Variants in ATXN1 observed in about 807,000 individuals in gnomAD.
The protein encoded by ATXN1 is ataxin 1, also known as ataxin-1.
ATXN1 carries 8 observed loss-of-function variants against 56.4 expected under a neutral mutation model. The observed-to-expected ratio is 0.14, with a 90% CI of 0.08 to 0.26. The LOEUF (loss-of-function observed/expected upper bound fraction) is 0.26, where lower values mean the gene tolerates loss of function less well. ATXN1 is among the 10% of genes least tolerant of loss of function. The pLI is 1.00. For missense variants in ATXN1, 987 were observed against 1,106.5 expected (o/e 0.89, Z 1.53); for synonymous variants, 514 against 494.6 (o/e 1.04, Z -0.52).
intron 2 of ATXN1, among the ~76,000 whole-genome samples, chr6:16,696,806 C>G (rs1759175006): frequency 6.6e-6 from 1 of 152,166 alleles, no homozygotes; most frequent in South Asian, 2.1e-4. Context: ...ATTTTTAAAA[C>G]CCTCTTTTCA....
At position 16,638,959 on chromosome 6, in the gene ATXN1, C is replaced by G. The variant is rs186671564; in HGVS notation, c.-489+18817G>C. ...GTGAAGCCAGCTGGACTTCTTGGGT[C>G]GAGTGGGGACTTGGAGAACTTTTCT... On this transcript the variant is annotated intron_variant, in intron 3 of 7. Transcript: ENST00000436367. 5.5e-4 allele frequency among the ~76,000 whole-genome samples: 84 copies of G among 151,478 alleles called. No homozygotes were observed. In the East Asian group the frequency reaches 0.014, roughly 25 times the overall value.
chr6:16,623,902 CA>C (rs1172403154), intron 3 of ATXN1, among the ~76,000 whole-genome samples: 1 of 152,178 alleles, frequency 6.6e-6, no homozygotes, highest in Non-Finnish European at 1.5e-5. Context: ...TGAAATAAGC[CA>C]GTCATAAAAG....
intron 3 of ATXN1, among the ~76,000 whole-genome samples, chr6:16,616,552 T>A (rs1417673023): frequency 6.8e-6 from 1 of 146,022 alleles, no homozygotes; most frequent in Non-Finnish European, 1.5e-5. Context: ...AAAATATATA[T>A]AATATATTTT....
At chr6:16,371,777 C>CTA (rs1193057240) in intron 6 of ATXN1, among the ~76,000 whole-genome samples, 3 of 151,424 alleles carry the variant, frequency 2.0e-5, no homozygotes, top group Non-Finnish European at 4.4e-5. Flanking sequence ...TTGGGTCTTG[C>CTA]TATGGTACCT....
chr6:16,355,576 T>C (rs1228329095), intron 6 of ATXN1, among the ~76,000 whole-genome samples: 1 of 152,112 alleles, frequency 6.6e-6, no homozygotes, highest in Admixed American at 6.5e-5. Flanking sequence ...TTTTTTTCTT[T>C]TTTGAGACGG....
chr6:16,645,651 T>C (rs992142748), intron 3 of ATXN1, among the ~76,000 whole-genome samples: 7 of 152,178 alleles, frequency 4.6e-5, no homozygotes, highest in African/African-American at 1.7e-4. Flanking sequence ...CCTCATCCAT[T>C]ATAATATTAA....
At chr6:16,636,780 T>A (rs9297015) in intron 3 of ATXN1, among the ~76,000 whole-genome samples, 26,990 of 152,168 alleles carry the variant, frequency 0.18, 2,846 homozygotes, top group East Asian at 0.47. Flanking sequence ...CAGGTGCACT[T>A]TAAAAAATAA....
intron 6 of ATXN1, among the ~76,000 whole-genome samples, chr6:16,412,194 C>T (rs573934153): frequency 6.6e-6 from 1 of 152,280 alleles, no homozygotes; most frequent in South Asian, 2.1e-4. Flanking sequence ...TTCTAAAAGC[C>T]TTCTTCTTTG....
intron 4 of ATXN1, among the ~76,000 whole-genome samples, chr6:16,564,476 T>C (rs943276836): frequency 2.6e-5 from 4 of 152,152 alleles, no homozygotes; most frequent in African/African-American, 7.2e-5. Context: ...AACTGATAAA[T>C]GAATAAACAA....
At chr6:16,331,130 A>G (rs1760981570) in intron 6 of ATXN1, among the ~76,000 whole-genome samples, 1 of 152,082 alleles carries the variant, frequency 6.6e-6, no homozygotes, top group African/African-American at 2.4e-5. Flanking sequence ...CCTCCTGAGT[A>G]GCTGGGATTA....
rs572652405 is a variant in ATXN1, at chr6:16,603,902, G to A, written c.-488-17995C>T. ...ACCCCATGCAAAGGGGCGCCTCTCC[G>A]TCACACAGGTACTGGCATGAGGGTG... On this transcript the variant is annotated intron_variant, in intron 3 of 7. Transcript: ENST00000436367. Among the ~76,000 whole-genome samples the A allele has an allele frequency of 4.6e-5, 7 of 152,250 alleles. No individual in the cohort carries two copies. In the South Asian group the frequency reaches 1.0e-3, roughly 23 times the overall value.
chr6:16,755,996 C>T lies in ATXN1; in HGVS notation c.-729-2649G>A, dbSNP rs114697505. Among the ~76,000 whole-genome samples, 1,419 of 152,024 alleles carry T rather than the reference C, an allele frequency of 9.3e-3. 12 individuals carry two copies. Among genetic ancestry groups the T allele is most frequent in the Non-Finnish European group, 0.015 (1,014 of 67,934 alleles). ...ATATAATGCTTGTTGCTTTTTTGTC[C>T]ATAATTGTTCTCTCTAAACGTGTTT... On this transcript the variant is annotated intron_variant, in intron 1 of 7. Transcript: ENST00000436367.
intron 3 of ATXN1, among the ~76,000 whole-genome samples, chr6:16,607,729 T>C (rs966663098): frequency 3.9e-5 from 6 of 152,208 alleles, no homozygotes; most frequent in Admixed American, 2.6e-4. Flanking sequence ...TATCCCCAAA[T>C]TCCTAAAGAT....
rs1188287777 is a variant in ATXN1 at position 16,301,102 on chromosome 6, A to T, written c.*5227T>A. 2 of 134,510 alleles carry T rather than the reference A, an allele frequency of 1.5e-5. No individual in the cohort carries two copies. The highest frequency in any genetic ancestry group is 3.9e-4 in the East Asian group (2 of 5,066). The allele number at this position is 134,510 out of a possible 1,614,324, so 8.3% of individuals were successfully genotyped here. A position where few individuals can be genotyped will look rare whatever the true frequency, so the allele number is the denominator to read the frequency against. ...CTTCTCTGCTTTTTTTTTTTTACAAACAAAGTATGAAACTCATTGTTTCAA... is the reference window on the plus strand; with the variant it reads ...CTTCTCTGCTTTTTTTTTTTTACAATCAAAGTATGAAACTCATTGTTTCAA... On this transcript the variant is annotated 3_prime_UTR_variant, in exon 8 of 8. Coordinates refer to ENST00000436367, the MANE Select transcript of ATXN1 (RefSeq NM_001128164.2).
Position 16,389,345 on chromosome 6 carries a change from AAG to A in ATXN1, c.-160-60877_-160-60876del, listed in dbSNP as rs1229344060. Among the ~76,000 whole-genome samples, 4 of 148,928 alleles carry A rather than the reference AAG, an allele frequency of 2.7e-5. 1 individual carries two copies. The highest frequency in any genetic ancestry group is 4.9e-5 in the African/African-American group (2 of 40,758). On this transcript the variant is annotated intron_variant, in intron 6 of 7. Coordinates refer to ENST00000436367, the MANE Select transcript of ATXN1 (RefSeq NM_001128164.2). ...GAGCGAGACTCCATCTCCAAAAAAA[AAG>A]AAAAAAAAAAAAGGAAAGAAAAAGA...
Position 16,760,740 on chromosome 6 carries a change from CCT to C in ATXN1, c.-730+556_-730+557del, listed in dbSNP as rs1177940347. Among the ~76,000 whole-genome samples the C allele has an allele frequency of 6.6e-6, 1 of 151,298 alleles. No individual in the cohort carries two copies. On this transcript the variant is annotated intron_variant, in intron 1 of 7. Coordinates refer to ENST00000436367, the MANE Select transcript of ATXN1 (RefSeq NM_001128164.2). This position sits in a 1 kb window ranked among gnomAD's most constrained non-coding sequence, Gnocchi z 5.3. ...AGAAGTCCAGCCCTCCGTGAGACCCCCTCTCTCTCACCGCCCTCTCCGGGGAG... is the reference window on the plus strand; with the variant it reads ...AGAAGTCCAGCCCTCCGTGAGACCCCCTCTCTCACCGCCCTCTCCGGGGAG...
intron 2 of ATXN1, among the ~76,000 whole-genome samples, chr6:16,664,985 T>C (rs1044291052): frequency 6.6e-6 from 1 of 152,148 alleles, no homozygotes; most frequent in African/African-American, 2.4e-5. Flanking sequence ...AACAAAAAAG[T>C]TAGTGACAAG....
chr6:16,586,495 G>T (rs1038394509), intron 3 of ATXN1, among the ~76,000 whole-genome samples: 4 of 152,256 alleles, frequency 2.6e-5, no homozygotes, highest in Admixed American at 1.3e-4. Context: ...TATGTTCTGG[G>T]CCATGTGCTA....
Position 16,440,648 on chromosome 6 carries a change from A to AAAAAAAAAAAAAAAAAAAGAAAGAAAG in ATXN1, c.-161+45323_-161+45324insCTTTCTTTCTTTTTTTTTTTTTTTTTT, listed in dbSNP as rs748929817. On this transcript the variant is annotated intron_variant, in intron 6 of 7. Coordinates refer to ENST00000436367, the MANE Select transcript of ATXN1 (RefSeq NM_001128164.2). ...AGAGTGAGACCCTGTCTTAAAAAAA[A>AAAAAAAAAAAAAAAAAAAGAAAGAAAG]AAAAGAAAAGAAAAGAAAAAATTAA... 6.9e-4 allele frequency among the ~76,000 whole-genome samples: 82 copies of AAAAAAAAAAAAAAAAAAAGAAAGAAAG among 118,520 alleles called. 2 individuals carry two copies. Among genetic ancestry groups the AAAAAAAAAAAAAAAAAAAGAAAGAAAG allele is most frequent in the Middle Eastern group, 3.9e-3 (1 of 256 alleles). 77.8% of individuals were successfully genotyped at this position (118,520 alleles called of 152,430 possible). A position where few individuals can be genotyped will look rare whatever the true frequency, so the allele number is the denominator to read the frequency against.
Sources: gnomAD v4.1 joint callset for allele counts (sites outside exome capture counted in the v4.1 genomes callset) on GRCh38, gnomAD v4.1.1 for gene constraint, Gnocchi (gnomAD v3.1) non-coding constraint, MANE v1.5 for transcripts, NCBI Gene and HGNC (gene_info 2026-07-23, HGNC 2026-07-21) for gene names.